The following NTM variants were observed in gnomAD, a reference collection of about 807,000 sequenced individuals.
NTM encodes neurotrimin, also known as IgLON family member 2.
A neutral mutation model predicts 42.1 loss-of-function variants in NTM; 13 were observed. The ratio of observed to expected loss-of-function variants is 0.31; its 90% CI spans 0.20 to 0.49. The LOEUF (loss-of-function observed/expected upper bound fraction) is 0.49. NTM is among the 20% of genes least tolerant of loss of function. The pLI is 0.99. For missense variants in NTM, 373 were observed against 452.8 expected (o/e 0.82, Z 1.60); for synonymous variants, 187 against 179.2 (o/e 1.04, Z -0.35).
At chr11:132,048,078 T>C (rs2078270376) in intron 2 of NTM, among the ~76,000 whole-genome samples, 1 of 152,144 alleles carries the variant, frequency 6.6e-6, no homozygotes, top group Admixed American at 6.5e-5. Flanking sequence ...TGCTTAGCTA[T>C]GTTTAAACTG....
At chr11:131,612,314 T>A (rs1313969272) in intron 1 of NTM, among the ~76,000 whole-genome samples, 1 of 152,224 alleles carries the variant, frequency 6.6e-6, no homozygotes, top group Non-Finnish European at 1.5e-5. Context: ...ACAGAAACTG[T>A]GAGCAGTAGC....
At chr11:131,618,708 T>A (rs2062207619) in intron 1 of NTM, among the ~76,000 whole-genome samples, 1 of 152,188 alleles carries the variant, frequency 6.6e-6, no homozygotes, top group South Asian at 2.1e-4. Context: ...TCTTGCATTT[T>A]AGCAAATTCA....
intron 3 of NTM, among the ~76,000 whole-genome samples, chr11:132,182,659 G>A (rs553595163): frequency 2.0e-5 from 3 of 152,180 alleles, no homozygotes; most frequent in Non-Finnish European, 2.9e-5. Context: ...TCTCTAATAC[G>A]TACTCTCTTG....
At chr11:132,069,184 C>A (rs1447558209) in intron 2 of NTM, among the ~76,000 whole-genome samples, 2 of 151,798 alleles carry the variant, frequency 1.3e-5, no homozygotes, top group African/African-American at 2.4e-5. Context: ...CGTCACACAG[C>A]CAAGTTAACA....
rs1481687381 is a variant in NTM at position 131,482,105 on chromosome 11, C to G, written c.82+111217C>G. On this transcript the variant is annotated intron_variant, in intron 1 of 8. Transcript: ENST00000683400. The stretch of plus-strand genomic sequence containing the variant: ...GCCAAGGGACCCAAGGTTAATGGCC[C>G]TGGGAATGGGAGCATTAATGACCAT... Among the ~76,000 whole-genome samples, 4 of 152,176 alleles carry G rather than the reference C, an allele frequency of 2.6e-5. No individual in the cohort carries two copies. In the East Asian group the frequency reaches 5.8e-4, roughly 22 times the overall value.
chr11:132,200,763 T>C (rs2081040231), intron 3 of NTM, among the ~76,000 whole-genome samples: 1 of 152,206 alleles, frequency 6.6e-6, no homozygotes, highest in African/African-American at 2.4e-5. Flanking sequence ...AGTCTCTATC[T>C]GGTTGACCTC....
In NTM at chr11:132,245,048, C is replaced by T. The variant is rs150921310; in HGVS notation, c.526+32901C>T. On this transcript the variant is annotated intron_variant, in intron 4 of 8. Transcript: ENST00000683400. ...TTTCCAGTTGAATGTGCGTCCAATTCGCCGTGAAATGTTCTATCTGTCGTG... is the reference window on the plus strand; with the variant it reads ...TTTCCAGTTGAATGTGCGTCCAATTTGCCGTGAAATGTTCTATCTGTCGTG... 6.6e-5 allele frequency among the ~76,000 whole-genome samples: 10 copies of T among 152,238 alleles called. No homozygotes were observed. The East Asian group carries it at 1.7e-3, about 26-fold the overall frequency.
chr11:132,297,689 A>G (rs747306268), intron 4 of NTM, among the ~76,000 whole-genome samples: 1 of 152,270 alleles, frequency 6.6e-6, no homozygotes, highest in Non-Finnish European at 1.5e-5. Flanking sequence ...GCCTATCATC[A>G]TCTACATTTT....
At chr11:132,081,469 G>A (rs1033252813) in intron 2 of NTM, among the ~76,000 whole-genome samples, 27 of 151,986 alleles carry the variant, frequency 1.8e-4, no homozygotes, top group African/African-American at 5.1e-4. Context: ...ACGGTGGCTC[G>A]CGCCTGTAAT....
At chr11:132,301,375 G>T (rs2094848915) in intron 4 of NTM, among the ~76,000 whole-genome samples, 1 of 152,188 alleles carries the variant, frequency 6.6e-6, no homozygotes, top group African/African-American at 2.4e-5. Context: ...AATGCAAGAT[G>T]AGATTTGGGT....
At chr11:132,222,971 A>C (rs1339367467) in intron 4 of NTM, among the ~76,000 whole-genome samples, 1 of 152,160 alleles carries the variant, frequency 6.6e-6, no homozygotes, top group Non-Finnish European at 1.5e-5. Context: ...CTGTGGTTGA[A>C]GATATCTGGC....
intron 1 of NTM, among the ~76,000 whole-genome samples, chr11:131,379,215 G>T (rs1280651995): frequency 6.6e-6 from 1 of 152,116 alleles, no homozygotes; most frequent in East Asian, 1.9e-4. Flanking sequence ...TTCCTCTTTT[G>T]GGCTCTGACC....
At chr11:131,982,146 AG>A (rs956403535) in intron 2 of NTM, among the ~76,000 whole-genome samples, 21 of 152,132 alleles carry the variant, frequency 1.4e-4, no homozygotes, top group African/African-American at 5.1e-4. Flanking sequence ...CATCTGCCCA[AG>A]GGGAAAAGTC....
chr11:131,410,546 GAGA>G lies in NTM; in HGVS notation c.82+39661_82+39663del, dbSNP rs142150169. 5.2e-3 allele frequency among the ~76,000 whole-genome samples: 536 copies of G among 102,280 alleles called. 5 individuals are homozygous for G. Among genetic ancestry groups the G allele is most frequent in the Non-Finnish European group, 8.2e-3 (390 of 47,612 alleles). 67.1% of individuals were successfully genotyped at this position (102,280 alleles called of 152,430 possible). The stretch of plus-strand genomic sequence containing the variant: ...AAAAAAAAAAAAAAAAAAAAAAACA[GAGA>G]AGGACAGAGGAAGTCATTTCGGTGG... On this transcript the variant is annotated intron_variant, in intron 1 of 8. Transcript: ENST00000683400.
intron 3 of NTM, among the ~76,000 whole-genome samples, chr11:132,169,320 C>CTTTTTTTTATTTTTTT (rs2075779190): frequency 3.1e-5 from 1 of 32,356 alleles, no homozygotes. Flanking sequence ...AATTTTTTTA[C>CTTTTTTTTATTTTTTT]TTTTTTTTTT....
intron 1 of NTM, chr11:131,605,702 G>A (rs998503104): frequency 4.6e-5 from 33 of 710,420 alleles, no homozygotes; most frequent in Non-Finnish European, 5.2e-5. Context: ...ATCAGGGTGA[G>A]GACGTTTCTT....
chr11:131,902,205 G>T (rs1218941696), intron 1 of NTM, among the ~76,000 whole-genome samples: 1 of 152,132 alleles, frequency 6.6e-6, no homozygotes, highest in Non-Finnish European at 1.5e-5. Context: ...TTGAAGTAAA[G>T]AATTAAAAAA....
At chr11:132,273,907 C>CAAAA (rs2093608983) in intron 4 of NTM, among the ~76,000 whole-genome samples, 1 of 151,966 alleles carries the variant, frequency 6.6e-6, no homozygotes, top group Non-Finnish European at 1.5e-5. Context: ...AACTCCATCT[C>CAAAA]AAAACAAAAC....
chr11:132,279,389 A>T (rs891042431), intron 4 of NTM, among the ~76,000 whole-genome samples: 37 of 152,198 alleles, frequency 2.4e-4, no homozygotes, highest in African/African-American at 8.4e-4. Context: ...TATCACAGAG[A>T]TCTGTTCATG....
Sources: gnomAD v4.1 joint callset for allele counts (sites outside exome capture counted in the v4.1 genomes callset) on GRCh38, gnomAD v4.1.1 for gene constraint, MANE v1.5 for transcripts, NCBI Gene and HGNC (gene_info 2026-07-23, HGNC 2026-07-21) for gene names.